Variants in KMT2C observed in about 807,000 individuals in gnomAD.
The protein encoded by KMT2C is lysine methyltransferase 2C.
In KMT2C, 88 loss-of-function variants were observed where a neutral mutation model predicts 507.9. That is an observed-to-expected ratio of 0.17 (90% CI 0.15 to 0.21). The LOEUF (loss-of-function observed/expected upper bound fraction) is 0.21, where lower values mean the gene tolerates loss of function less well. Among genes scored for constraint, KMT2C ranks in the 10% least tolerant of loss-of-function variants. The pLI is 1.00. For missense variants in KMT2C, 4,954 were observed against 5,957.8 expected (o/e 0.83, Z 5.55); for synonymous variants, 2,049 against 2,080.8 (o/e 0.98, Z 0.42).
chr7:152,189,464 C>T (rs2093724657), intron 31 of KMT2C, among the ~76,000 whole-genome samples: 1 of 152,050 alleles, frequency 6.6e-6, no homozygotes, highest in Non-Finnish European at 1.5e-5. Context: ...CTAGAGAATT[C>T]CTAACCTGAT....
chr7:152,311,248 G>A (rs1439727180), intron 5 of KMT2C, among the ~76,000 whole-genome samples: 2 of 152,084 alleles, frequency 1.3e-5, no homozygotes, highest in African/African-American at 4.8e-5. Flanking sequence ...ATCCCACAGT[G>A]AGAGCACGTA....
rs1183345172 is a variant in KMT2C at position 152,249,673 on chromosome 7, C to CAAAAAAAAAAAAAA, written c.1813+189_1813+202dup. Reference sequence around the variant, plus strand: ...ATTTTTAATCATGACCTCCCCCCTCCAAAAAAAAAAAAAAAAAAAAAAAAA... The same window carrying CAAAAAAAAAAAAAA: ...ATTTTTAATCATGACCTCCCCCCTCCAAAAAAAAAAAAAAAAAAAAAAAAAAAAAAAAAAAAAAA... On this transcript the variant is annotated intron_variant, in intron 13 of 58. Transcript: ENST00000262189. Among the ~76,000 whole-genome samples the CAAAAAAAAAAAAAA allele has an allele frequency of 2.8e-3, 98 of 34,512 alleles. 1 individual carries two copies. Among genetic ancestry groups the CAAAAAAAAAAAAAA allele is most frequent in the Middle Eastern group, 0.028 (1 of 36 alleles). The allele number at this position is 34,512 out of a possible 152,430, so 22.6% of individuals were successfully genotyped here. A position where few individuals can be genotyped will look rare whatever the true frequency, so the allele number is the denominator to read the frequency against.
chr7:152,424,974 G>C (rs1174624614), intron 1 of KMT2C, among the ~76,000 whole-genome samples: 1 of 152,128 alleles, frequency 6.6e-6, no homozygotes, highest in Non-Finnish European at 1.5e-5. Context: ...AAATAGCAAA[G>C]TGTCATTTTT....
intron 15 of KMT2C, 24 bp downstream of exon 15, chr7:152,238,683 G>T: frequency 6.3e-7 from 1 of 1,596,488 alleles, no homozygotes; most frequent in Non-Finnish European, 8.5e-7. Context: ...AATGATATAT[G>T]AATGTAAATG....
intron 14 of KMT2C, among the ~76,000 whole-genome samples, chr7:152,244,459 A>G (rs2095437272): frequency 6.6e-6 from 1 of 152,184 alleles, no homozygotes; most frequent in Non-Finnish European, 1.5e-5. Flanking sequence ...AGATGGAAGG[A>G]TCGCTTGAGG....
chr7:152,296,264 T>C (rs1180300765), intron 6 of KMT2C, among the ~76,000 whole-genome samples: 2 of 149,674 alleles, frequency 1.3e-5, no homozygotes, highest in African/African-American at 2.5e-5. Context: ...CCCCATCCCA[T>C]CCCTACTAAA....
chr7:152,145,375 C>T, intron 53 of KMT2C, 80 bp from the exon 54 acceptor site: 2 of 1,409,808 alleles, frequency 1.4e-6, no homozygotes, highest in Non-Finnish European at 1.9e-6. Context: ...AAAGGATGGC[C>T]CACGACAGAA....
At chr7:152,214,601 T>C (rs1350977106) in intron 23 of KMT2C, among the ~76,000 whole-genome samples, 2 of 152,228 alleles carry the variant, frequency 1.3e-5, no homozygotes, top group African/African-American at 2.4e-5. Flanking sequence ...ATGAGGACTT[T>C]ATACAATGGA....
At chr7:152,296,726 A>C (rs2096500459) in intron 6 of KMT2C, among the ~76,000 whole-genome samples, 1 of 151,938 alleles carries the variant, frequency 6.6e-6, no homozygotes, top group African/African-American at 2.4e-5. Flanking sequence ...CCTAACTCCT[A>C]ATTTTCTATT....
At position 152,149,110 on chromosome 7, in the gene KMT2C, G is replaced by A. The variant is rs145997023; in HGVS notation, c.12817C>T (p.Pro4273Ser). 99 of 1,494,624 alleles carry A rather than the reference G, an allele frequency of 6.6e-5. No homozygotes were observed. In the African/African-American group the frequency reaches 1.2e-3, roughly 18 times the overall value. The allele number at this position is 1,494,624 out of a possible 1,614,324, so 92.6% of individuals were successfully genotyped here. The change falls in exon 52 of 59, where the codon CCT (proline) becomes TCT (serine). Residue 4273 changes from proline to serine, a missense_variant. Coordinates refer to ENST00000262189, the MANE Select transcript of KMT2C (RefSeq NM_170606.3). The stretch of plus-strand genomic sequence containing the variant: ...CTGTACTGATGAAATGCTTTGGAAG[G>A]CGTTTCTCTCATAGGTGATTGTGGC... The part of the protein sequence containing the change: ...SLPQSPMRET[P>S]SKAFHQYSNN...
At position 152,258,263 on chromosome 7, in the gene KMT2C, C is replaced by A. The variant is rs532146703; in HGVS notation, c.1299+4753G>T. On this transcript the variant is annotated intron_variant, in intron 9 of 58. Transcript: ENST00000262189. ...GCCAGCTTGAAGGAGCAACTGACAG[C>A]AAGTATGGGACTATTTCAGCCAAAA... Among the ~76,000 whole-genome samples, 65 of 152,202 alleles carry A rather than the reference C, an allele frequency of 4.3e-4. 1 individual carries two copies. The highest frequency in any genetic ancestry group is 1.5e-3 in the African/African-American group (63 of 41,520).
chr7:152,432,153 C>T (rs1341599872), intron 1 of KMT2C, among the ~76,000 whole-genome samples: 1 of 152,144 alleles, frequency 6.6e-6, no homozygotes, highest in African/African-American at 2.4e-5. Flanking sequence ...TCAAAAAAGG[C>T]CAAGGATAGT....
At chr7:152,226,930 G>A (rs2094951792) in intron 18 of KMT2C, among the ~76,000 whole-genome samples, 2 of 152,200 alleles carry the variant, frequency 1.3e-5, no homozygotes, top group South Asian at 4.1e-4. Flanking sequence ...ATGACCTGAA[G>A]ATAAAGTGGC....
intron 2 of KMT2C, among the ~76,000 whole-genome samples, chr7:152,336,346 T>C (rs1474957462): frequency 6.6e-6 from 1 of 152,316 alleles, no homozygotes; most frequent in East Asian, 1.9e-4. Context: ...TGAGTGTTTA[T>C]GTCTCTCTCT....
At position 152,310,069 on chromosome 7, in the gene KMT2C, C is replaced by T. The variant is rs769246193; in HGVS notation, c.746G>A (p.Cys249Tyr). The change falls in exon 6 of 59, where the codon TGT becomes TAT. Residue 249 changes from cysteine (C) to tyrosine (Y), a missense_variant. By Grantham distance (194) the Cys-to-Tyr change is radical. This residue lies in a region of KMT2C where 233 missense variants were observed against 263.6 expected (regional missense o/e 0.88). Coordinates refer to ENST00000262189, the MANE Select transcript of KMT2C (RefSeq NM_170606.3). ...CTCCACACAACGGTGATGAGCCCAA[C>T]AAGTGCCTAAAATGGGAAAAATGAA... is the stretch of plus-strand genomic sequence containing the variant. ...IQALFDSTGT[C>Y]WAHHRCVEWS... The T allele has an allele frequency of 6.2e-7, 1 of 1,606,452 alleles. No homozygotes were observed. The highest frequency in any genetic ancestry group is 1.3e-5 in the African/African-American group (1 of 74,686).
At position 152,369,040 on chromosome 7, in the gene KMT2C, G is replaced by A. The variant is rs563246392; in HGVS notation, c.162-10365C>T. ...AAGGTTAAAAAAAAAAAATAGTTAAGGGCCAGGAGCAGTGGCTCACACCTG... is the reference window on the plus strand; with the variant it reads ...AAGGTTAAAAAAAAAAAATAGTTAAAGGCCAGGAGCAGTGGCTCACACCTG... On this transcript the variant is annotated intron_variant, in intron 1 of 58. Coordinates refer to ENST00000262189, the MANE Select transcript of KMT2C (RefSeq NM_170606.3). Among the ~76,000 whole-genome samples the A allele has an allele frequency of 5.5e-4, 84 of 152,018 alleles. No individual in the cohort carries two copies. The Middle Eastern group carries it at 0.01, about 18-fold the overall frequency.
intron 6 of KMT2C, among the ~76,000 whole-genome samples, chr7:152,274,686 T>C (rs925524394): frequency 4.6e-5 from 7 of 152,382 alleles, no homozygotes; most frequent in Non-Finnish European, 1.5e-5. Flanking sequence ...GAGAGTTTGA[T>C]GGGCCCTGTA....
intron 2 of KMT2C, among the ~76,000 whole-genome samples, chr7:152,357,275 A>G (rs1054778190): frequency 4.6e-5 from 7 of 152,270 alleles, no homozygotes; most frequent in South Asian, 2.1e-4. Flanking sequence ...CTGTAATCCC[A>G]GCACTTTGGG....
intron 3 of KMT2C, among the ~76,000 whole-genome samples, chr7:152,318,467 T>C (rs1299550991): frequency 2.1e-4 from 2 of 9,584 alleles, no homozygotes; most frequent in African/African-American, 4.6e-4. Flanking sequence ...CTACTAAAAA[T>C]ACAAAAAAAT....
Sources: allele counts gnomAD v4.1 joint callset (sites outside exome capture counted in the v4.1 genomes callset), GRCh38; gene constraint gnomAD v4.1.1; regional missense constraint gnomAD v4.1.1; transcripts MANE v1.5; gene names NCBI Gene and HGNC (gene_info 2026-07-23, HGNC 2026-07-21).